The following ADARB2 variants were observed in gnomAD, a reference collection of about 807,000 sequenced individuals.
The protein encoded by ADARB2 is inactive double-stranded RNA-specific editase B2.
A neutral mutation model predicts 62.2 loss-of-function variants in ADARB2; 25 were observed. The observed-to-expected ratio is 0.40, with a 90% CI of 0.29 to 0.56. ADARB2 has a LOEUF of 0.56. ADARB2 is among the 20% of genes least tolerant of loss of function. ADARB2 has a pLI of 0.43. For synonymous variants in ADARB2, 572 were observed against 500.8 expected (o/e 1.14, Z -1.90); for missense variants, 1,071 against 1,077.4 (o/e 0.99, Z 0.08).
intron 1 of ADARB2, among the ~76,000 whole-genome samples, chr10:1,504,812 T>C (rs1459497894): frequency 6.6e-6 from 1 of 152,236 alleles, no homozygotes; most frequent in Non-Finnish European, 1.5e-5. Context: ...AGGGGGTAGT[T>C]GTTGCCGGCT....
chr10:1,298,581 G>T (rs1016739542), intron 3 of ADARB2, among the ~76,000 whole-genome samples: 2 of 152,128 alleles, frequency 1.3e-5, no homozygotes, highest in Non-Finnish European at 2.9e-5. Context: ...AGGCAAGGAA[G>T]GGCCTCTTTT....
At chr10:1,668,036 T>C (rs973108327) in intron 1 of ADARB2, among the ~76,000 whole-genome samples, 3 of 152,178 alleles carry the variant, frequency 2.0e-5, no homozygotes, top group African/African-American at 4.8e-5. Flanking sequence ...GAGCCCTCCC[T>C]GGATGAGGCG....
chr10:1,235,307 A>G (rs1249577761), intron 5 of ADARB2, among the ~76,000 whole-genome samples: 4 of 127,722 alleles, frequency 3.1e-5, no homozygotes, highest in South Asian at 2.8e-4. Flanking sequence ...GCATCCAGCC[A>G]TGACCCAGGT....
intron 3 of ADARB2, among the ~76,000 whole-genome samples, chr10:1,314,623 G>A (rs925845468): frequency 6.6e-6 from 1 of 152,218 alleles, no homozygotes; most frequent in Non-Finnish European, 1.5e-5. Flanking sequence ...GGTTTCGCAG[G>A]AGGGTCTCAA....
intron 6 of ADARB2, among the ~76,000 whole-genome samples, chr10:1,220,418 G>GTGATGGTGA (rs1212291346): frequency 1.3e-5 from 2 of 150,918 alleles, no homozygotes; most frequent in Non-Finnish European, 3.0e-5. Flanking sequence ...GATGATGGTC[G>GTGATGGTGA]TGATGGTGAT....
chr10:1,513,240 A>G (rs1323306473), intron 1 of ADARB2, among the ~76,000 whole-genome samples: 1 of 152,240 alleles, frequency 6.6e-6, no homozygotes, highest in Non-Finnish European at 1.5e-5. Context: ...ACTAGTTCCA[A>G]GAAACCTATT....
chr10:1,326,804 G>T (rs1263968140), intron 3 of ADARB2, among the ~76,000 whole-genome samples: 1,719 of 56,408 alleles, frequency 0.03, 116 homozygotes, highest in African/African-American at 0.1. Context: ...GCCTCCCCAC[G>T]GCCCAGCGCC....
At chr10:1,572,220 C>T (rs1832951676) in intron 1 of ADARB2, among the ~76,000 whole-genome samples, 2 of 150,244 alleles carry the variant, frequency 1.3e-5, no homozygotes, top group South Asian at 4.2e-4. Context: ...GGTGAGTGTA[C>T]AAGTGAGTAG....
chr10:1,498,768 G>T (rs1304260498), intron 1 of ADARB2, among the ~76,000 whole-genome samples: 1 of 152,082 alleles, frequency 6.6e-6, no homozygotes, highest in Non-Finnish European at 1.5e-5. Flanking sequence ...ATCAAAAAAT[G>T]TTGTTTAGAA....
At chr10:1,324,484 C>T (rs550719555) in intron 3 of ADARB2, among the ~76,000 whole-genome samples, 2 of 152,256 alleles carry the variant, frequency 1.3e-5, no homozygotes, top group South Asian at 2.1e-4. Flanking sequence ...GGAATCCGCC[C>T]AGATGTTCTT....
intron 7 of ADARB2, among the ~76,000 whole-genome samples, chr10:1,211,186 TTCATCTATCATCTATCATTA>T (rs1481246786): frequency 1.3e-5 from 2 of 152,132 alleles, no homozygotes; most frequent in African/African-American, 4.8e-5. Flanking sequence ...TCATCTAATT[TTCATCTATCATCTATCATTA>T]TCATCTATCA....
At chr10:1,278,404 TA>T (rs1831339622) in intron 3 of ADARB2, among the ~76,000 whole-genome samples, 1 of 151,832 alleles carries the variant, frequency 6.6e-6, no homozygotes, top group East Asian at 1.9e-4. Flanking sequence ...CAGTACTTGG[TA>T]GTTAGTTTCT....
At chr10:1,269,781 T>A (rs1564242010) in intron 4 of ADARB2, among the ~76,000 whole-genome samples, 1 of 152,188 alleles carries the variant, frequency 6.6e-6, no homozygotes, top group Non-Finnish European at 1.5e-5. Context: ...GGTGCCCAAT[T>A]GATGGCTGCA....
chr10:1,555,851 C>T (rs1429878006), intron 1 of ADARB2, among the ~76,000 whole-genome samples: 3 of 152,124 alleles, frequency 2.0e-5, no homozygotes, highest in Non-Finnish European at 4.4e-5. Context: ...AAGAGAATTG[C>T]TTGAACATGG....
chr10:1,386,132 G>T (rs1342942646), intron 1 of ADARB2, among the ~76,000 whole-genome samples: 2 of 151,974 alleles, frequency 1.3e-5, no homozygotes, highest in African/African-American at 4.8e-5. Context: ...AGTTAAACAT[G>T]CATGCTTTAA....
intron 3 of ADARB2, among the ~76,000 whole-genome samples, chr10:1,304,386 T>A (rs1390924009): frequency 3.3e-5 from 5 of 149,398 alleles, no homozygotes; most frequent in Non-Finnish European, 7.5e-5. Context: ...AAGTCCTGAG[T>A]GACCTACAAA....
intron 3 of ADARB2, among the ~76,000 whole-genome samples, chr10:1,328,146 G>A (rs1241761422): frequency 1.3e-5 from 2 of 152,230 alleles, no homozygotes; most frequent in African/African-American, 2.4e-5. Context: ...CGCAGGCTCC[G>A]GAAATGTTGA....
intron 1 of ADARB2, chr10:1,526,659 G>A (rs904822908): frequency 8.5e-6 from 2 of 235,472 alleles, no homozygotes; most frequent in African/African-American, 2.3e-5. Flanking sequence ...AGATGCTGGT[G>A]CCACGCTTCC....
At chr10:1,548,515 C>T (rs1832560586) in intron 1 of ADARB2, among the ~76,000 whole-genome samples, 1 of 152,194 alleles carries the variant, frequency 6.6e-6, no homozygotes, top group Admixed American at 6.5e-5. Context: ...GTTTCACAGA[C>T]TTTGAATTTG....
Sources: gnomAD v4.1 joint callset for allele counts (sites outside exome capture counted in the v4.1 genomes callset) on GRCh38, gnomAD v4.1.1 for gene constraint, MANE v1.5 for transcripts, NCBI Gene and HGNC (gene_info 2026-07-23, HGNC 2026-07-21) for gene names.